SSMEM1: variants seen among roughly 807,000 people sequenced by gnomAD.
SSMEM1 encodes the protein serine rich single-pass membrane protein 1.
SSMEM1 carries 12 observed loss-of-function variants against 9.9 expected under a neutral mutation model. That is an observed-to-expected ratio of 1.21 (90% confidence interval 0.78 to 1.96). The LOEUF is 1.96. SSMEM1 is among the 30% of genes most tolerant of loss of function. The pLI, the probability that SSMEM1 is intolerant of heterozygous loss-of-function variation, is 0.00. For missense variants in SSMEM1, 259 were observed against 292.2 expected (o/e 0.89, Z 0.83); for synonymous variants, 96 against 98.9 (o/e 0.97, Z 0.17).
At chr7:130,208,184 A>G (rs1363104208) in intron 1 of SSMEM1, 91 bp downstream of exon 1, 1 of 1,277,262 alleles carries the variant, frequency 7.8e-7, no homozygotes, top group Non-Finnish European at 1.1e-6. Context: ...TGATGAAACT[A>G]CTTTTAAAAG....
chr7:130,209,824 C>T (rs771501352), intron 1 of SSMEM1, among the ~76,000 whole-genome samples: 6 of 152,156 alleles, frequency 3.9e-5, no homozygotes, highest in East Asian at 1.9e-4. Flanking sequence ...GTGATCCACC[C>T]GCCTCGGCCT....
rs1465561614 is a variant in SSMEM1 at position 130,216,438 on chromosome 7, T to TCTGACATTAACA, written c.704_715dup (p.Asn238_Lys239insThrAspIleAsn). The TCTGACATTAACA allele has an allele frequency of 1.5e-5, 24 of 1,611,196 alleles. No homozygotes were observed. The highest frequency in any genetic ancestry group is 2.0e-5 in the Non-Finnish European group (23 of 1,177,858). On this transcript the variant is annotated inframe_insertion, in exon 3 of 3. Coordinates refer to ENST00000297819, the MANE Select transcript of SSMEM1 (RefSeq NM_145268.4). The stretch of plus-strand genomic sequence containing the variant: ...AGACAGTCAAGAGGAAAGTTCCATA[T>TCTGACATTAACA]CTGACATTAACAAGAAATTTAGTAA...
At chr7:130,205,578 A>C, upstream of SSMEM1, 1 of 706,248 alleles carries the variant, frequency 1.4e-6, no homozygotes, top group Non-Finnish European at 2.4e-6. Context: ...GCTCCCACTC[A>C]GCTGCGGGAG....
Position 130,216,798 on chromosome 7 carries a change from T to C in SSMEM1, c.*328T>C. On this transcript the variant is annotated 3_prime_UTR_variant, in exon 3 of 3. Transcript: ENST00000297819. ...ATGTATTTTGTTTATGTCTGTAATA[T>C]GAATAAGAAAGCTCTTTGAAAATGT... 1 of 273,110 alleles carries C rather than the reference T, an allele frequency of 3.7e-6. No homozygotes were observed. Among genetic ancestry groups the C allele is most frequent in the Non-Finnish European group, 6.9e-6 (1 of 144,080 alleles). The allele number at this position is 273,110 out of a possible 1,614,324, so 16.9% of individuals were successfully genotyped here. A position where few individuals can be genotyped will look rare whatever the true frequency, so the allele number is the denominator to read the frequency against.
chr7:130,207,621 C>T (rs528042351), upstream of SSMEM1: 3 of 440,968 alleles, frequency 6.8e-6, no homozygotes, highest in Admixed American at 3.3e-5. Context: ...AACACTTAGA[C>T]GTGAAGATAG....
upstream of SSMEM1, chr7:130,205,429 G>A: frequency 2.5e-6 from 4 of 1,613,088 alleles, no homozygotes; most frequent in Non-Finnish European, 2.5e-6. Context: ...CATGCGCAAA[G>A]CCAAGCTCAA....
In SSMEM1 at chr7:130,216,426, G is replaced by T; in HGVS notation, c.691G>T (p.Glu231Ter). ...TPPMKRDSQE[E>*]SSISDINKKF... ...GCCAATGAAAAGAGACAGTCAAGAG[G>T]AAAGTTCCATATCTGACATTAACAA... Residue 231 changes from glutamate to a stop codon, truncating the protein, a stop_gained, in exon 3 of 3, where the codon GAA becomes TAA. Transcript: ENST00000297819. LOFTEE classifies it high-confidence loss of function. The T allele has an allele frequency of 6.2e-7, 1 of 1,614,044 alleles. No individual in the cohort carries two copies. Among genetic ancestry groups the T allele is most frequent in the Non-Finnish European group, 8.5e-7 (1 of 1,179,950 alleles).
upstream of SSMEM1, among the ~76,000 whole-genome samples, chr7:130,205,954 C>CACCGCCTTTTGGGATT: frequency 6.6e-6 from 1 of 152,316 alleles, no homozygotes; most frequent in African/African-American, 2.4e-5. Flanking sequence ...GCTGGCCTCC[C>CACCGCCTTTTGGGATT]ACCGCCTTTT....
chr7:130,207,362 C>T (rs1218683549), upstream of SSMEM1, among the ~76,000 whole-genome samples: 3 of 152,170 alleles, frequency 2.0e-5, no homozygotes, highest in Non-Finnish European at 1.5e-5. Flanking sequence ...GATTTCTGTG[C>T]TCGTGAATCC....
intron 2 of SSMEM1, 52 bp downstream of exon 2, chr7:130,213,586 G>T (rs1462476520): frequency 1.3e-6 from 2 of 1,528,868 alleles, no homozygotes; most frequent in South Asian, 1.1e-5. Flanking sequence ...GAATATGTGT[G>T]GTGTTGCATG....
In SSMEM1 at chr7:130,211,775, C is replaced by T. The variant is rs533127851; in HGVS notation, c.184-1705C>T. Among the ~76,000 whole-genome samples the T allele has an allele frequency of 2.0e-5, 3 of 152,022 alleles. No homozygotes were observed. In the East Asian group the frequency reaches 5.8e-4, roughly 29 times the overall value. On this transcript the variant is annotated intron_variant, in intron 1 of 2. Transcript: ENST00000297819. ...ATCACTTTTATATGCTCCTTAAAGT[C>T]TTTTTTTTCATATTTTAAGCTAATT...
At chr7:130,210,120 ATTTG>A (rs1005577092) in intron 1 of SSMEM1, among the ~76,000 whole-genome samples, 4 of 152,180 alleles carry the variant, frequency 2.6e-5, no homozygotes, top group Non-Finnish European at 4.4e-5. Context: ...CTGTCAAATT[ATTTG>A]TTTGCTTCAA....
At chr7:130,208,304 ACT>A (rs1207806352) in intron 1 of SSMEM1, among the ~76,000 whole-genome samples, 2 of 152,226 alleles carry the variant, frequency 1.3e-5, no homozygotes, top group African/African-American at 4.8e-5. Flanking sequence ...AGAGATAACC[ACT>A]GTTAACATTT....
intron 2 of SSMEM1, among the ~76,000 whole-genome samples, chr7:130,215,446 A>AT (rs1798686401): frequency 1.3e-5 from 2 of 152,204 alleles, no homozygotes; most frequent in Admixed American, 1.3e-4. Flanking sequence ...TATTACCTCT[A>AT]TTTTTAGTAA....
intron 1 of SSMEM1, among the ~76,000 whole-genome samples, chr7:130,208,587 A>T (rs751276522): frequency 1.3e-5 from 2 of 152,250 alleles, no homozygotes; most frequent in Non-Finnish European, 2.9e-5. Context: ...TCCATCTGCT[A>T]TGTAATGCTG....
intron 1 of SSMEM1, among the ~76,000 whole-genome samples, chr7:130,209,274 G>T (rs1410886759): frequency 6.6e-6 from 1 of 152,202 alleles, no homozygotes; most frequent in Non-Finnish European, 1.5e-5. Flanking sequence ...GCCTGGGCTG[G>T]CAGTGGTAAG....
chr7:130,205,986 C>T (rs1439182803), upstream of SSMEM1, among the ~76,000 whole-genome samples: 1 of 152,144 alleles, frequency 6.6e-6, no homozygotes, highest in East Asian at 1.9e-4. Flanking sequence ...CGTGGCCCAC[C>T]GCGCCCGGCC....
chr7:130,207,919 C>A lies in SSMEM1; in HGVS notation c.9C>A (p.Asp3Glu), dbSNP rs756675106. MG[D>E]LFSLFWEVDP... ...CTGAGCAAGGAGTCATCATGGGAGA[C>A]CTTTTTTCCTTATTTTGGGAGGTAG... The change falls in exon 1 of 3, where the codon GAC becomes GAA. Residue 3 changes from aspartate to glutamate, a missense_variant. Transcript: ENST00000297819. 1 of 1,613,524 alleles carries A rather than the reference C, an allele frequency of 6.2e-7. No homozygotes were observed. Among genetic ancestry groups the A allele is most frequent in the Non-Finnish European group, 8.5e-7 (1 of 1,179,802 alleles).
chr7:130,214,952 T>C (rs1007455401), intron 2 of SSMEM1, among the ~76,000 whole-genome samples: 3 of 152,228 alleles, frequency 2.0e-5, no homozygotes, highest in Admixed American at 2.0e-4. Flanking sequence ...TTTTAAGCTA[T>C]CCACCTCATG....
Sources: gnomAD v4.1 joint callset for allele counts (sites outside exome capture counted in the v4.1 genomes callset) on GRCh38, gnomAD v4.1.1 for gene constraint, MANE v1.5 for transcripts, NCBI Gene and HGNC (gene_info 2026-07-23, HGNC 2026-07-21) for gene names.